The following TEX38 variants were observed in gnomAD, a reference collection of about 807,000 sequenced individuals.
TEX38 encodes the protein testis-expressed protein 38.
A neutral mutation model predicts 2.7 loss-of-function variants in TEX38; 5 were observed. The ratio of observed to expected loss-of-function variants is 1.86; its 90% CI spans 0.97 to 3.90. The LOEUF is 3.90. Among genes scored for constraint, TEX38 ranks in the 30% most tolerant of loss-of-function variants. The pLI is 0.00. For missense variants in TEX38, 218 were observed against 247.9 expected (o/e 0.88, Z 0.81); for synonymous variants, 110 against 103.3 (o/e 1.06, Z -0.39).
upstream of TEX38, among the ~76,000 whole-genome samples, chr1:46,671,252 C>T (rs979132355): frequency 2.6e-5 from 4 of 151,914 alleles, no homozygotes; most frequent in South Asian, 2.1e-4. Context: ...TTCAGGAGTA[C>T]GGACTAGGCA....
At chr1:46,669,567 T>TG (rs1676553525), upstream of TEX38, 1 of 445,730 alleles carries the variant, frequency 2.2e-6, no homozygotes, top group African/African-American at 2.0e-5. Flanking sequence ...TTTATAGCAG[T>TG]TATCATTATC....
At chr1:46,670,277 A>G (rs1676563987), upstream of TEX38, among the ~76,000 whole-genome samples, 1 of 152,152 alleles carries the variant, frequency 6.6e-6, no homozygotes, top group Admixed American at 6.5e-5. Context: ...TTGCTGATGG[A>G]GTCAGTGTGG....
At chr1:46,671,487 G>A (rs1383700109), upstream of TEX38, among the ~76,000 whole-genome samples, 1 of 152,210 alleles carries the variant, frequency 6.6e-6, no homozygotes, top group East Asian at 1.9e-4. Context: ...TACTTTTTGA[G>A]AACAGGGCTG....
chr1:46,669,218 T>C (rs1676549175), upstream of TEX38: 10 of 352,726 alleles, frequency 2.8e-5, no homozygotes, highest in South Asian at 2.1e-4. Flanking sequence ...ACAGTACTCA[T>C]CATCAGGTCC....
In TEX38 at chr1:46,671,950, G is replaced by A. The variant is rs900097052; in HGVS notation, c.16G>A (p.Glu6Lys). 6 of 1,547,004 alleles carry A rather than the reference G, an allele frequency of 3.9e-6. No individual in the cohort carries two copies. The highest frequency in any genetic ancestry group is 5.2e-6 in the Non-Finnish European group (6 of 1,144,258). The part of the protein sequence containing the change: MDSQQ[E>K]DLRFPGMWVS... ...GCTCAGCTGTATGGATTCCCAACAG[G>A]AGGACCTGCGCTTCCCTGGGAGTAA... is the stretch of plus-strand genomic sequence containing the variant. Residue 6 changes from glutamate (E) to lysine (K), a missense_variant, in exon 1 of 2, where the codon GAG (glutamate) becomes AAG (lysine). Glu to Lys is a moderately conservative substitution (Grantham distance 56). Coordinates refer to ENST00000334122, the MANE Select transcript of TEX38 (RefSeq NM_001145474.4).
upstream of TEX38, among the ~76,000 whole-genome samples, chr1:46,669,904 G>A (rs2148830662): frequency 6.6e-6 from 1 of 152,316 alleles, no homozygotes; most frequent in Non-Finnish European, 1.5e-5. Context: ...CCTTGGTTAA[G>A]GACTTTGATT....
chr1:46,671,117 G>A (rs1428078919), upstream of TEX38, among the ~76,000 whole-genome samples: 1 of 152,190 alleles, frequency 6.6e-6, no homozygotes, highest in Non-Finnish European at 1.5e-5. Flanking sequence ...CTGTCACAGA[G>A]TAGGGGGGCT....
chr1:46,673,130 C>A lies in TEX38; in HGVS notation c.295C>A (p.Pro99Thr). 1 of 1,551,748 alleles carries A rather than the reference C, an allele frequency of 6.4e-7. No homozygotes were observed. Among genetic ancestry groups the A allele is most frequent in the East Asian group, 2.4e-5 (1 of 40,916 alleles). ...CAAGACTGAGACTGAGGTCCAGAAT[C>A]CAGATGTTCTGTGGGATTTGGACAT... Reference protein sequence around the residue: ...VTKTETEVQNPDVLWDLDIPE... With the variant: ...VTKTETEVQNTDVLWDLDIPE... Residue 99 changes from proline to threonine, a missense_variant, in exon 2 of 2, where the codon CCA (proline) becomes ACA (threonine). Transcript: ENST00000334122.
At chr1:46,672,096 G>C (rs1316261229) in intron 1 of TEX38, 125 bp downstream of exon 1, 2 of 908,182 alleles carry the variant, frequency 2.2e-6, no homozygotes, top group East Asian at 5.4e-5. Flanking sequence ...AAGCAGTTAG[G>C]AGATAGTCTA....
At chr1:46,669,459 T>A (rs890380274), upstream of TEX38, 3 of 456,088 alleles carry the variant, frequency 6.6e-6, no homozygotes, top group Middle Eastern at 3.3e-4. Flanking sequence ...CTCCTCATCA[T>A]CTAAGGGCTC....
rs563308319 is a variant in TEX38 at position 46,673,022 on chromosome 1, A to G, written c.187A>G (p.Ser63Gly). ...GATGAGAGCTGCCACATTCACCTAC[A>G]GCCCATTGTTGTACTGGATTAACAA... is the stretch of plus-strand genomic sequence containing the variant. ...EVMRAATFTY[S>G]PLLYWINKRR... Residue 63 changes from serine to glycine, a missense_variant, in exon 2 of 2, where the codon AGC becomes GGC. Coordinates refer to ENST00000334122, the MANE Select transcript of TEX38 (RefSeq NM_001145474.4). 4 of 1,551,586 alleles carry G rather than the reference A, an allele frequency of 2.6e-6. No individual in the cohort carries two copies. Among genetic ancestry groups the G allele is most frequent in the Non-Finnish European group, 3.5e-6 (4 of 1,146,980 alleles).
rs1392661547 is a variant in TEX38, at chr1:46,673,396, C to T, written c.561C>T (p.Leu187=). 14 of 1,551,914 alleles carry T rather than the reference C, an allele frequency of 9.0e-6. No individual in the cohort carries two copies. The highest frequency in any genetic ancestry group is 2.0e-5 in the Admixed American group (1 of 50,988). ...CPERNVLFHS[L]LNLAQEDHSF... ...AAAGGAATGTTCTCTTCCATTCCCT[C>T]CTGAATCTGGCCCAGGAAGACCATA... is the stretch of plus-strand genomic sequence containing the variant. The change falls in exon 2 of 2, where the codon CTC becomes CTT. Residue 187 remains leucine, a synonymous_variant. Transcript: ENST00000334122.
chr1:46,673,404 T>C lies in TEX38; in HGVS notation c.569T>C (p.Leu190Pro), dbSNP rs1676630363. Residue 190 changes from leucine (L) to proline (P), a missense_variant, in exon 2 of 2, where the codon CTG (leucine) becomes CCG (proline). Physicochemically the swap from Leu to Pro is moderately conservative, Grantham distance 98. Transcript: ENST00000334122. ...RNVLFHSLLN[L>P]AQEDHSFNAK... ...GTTCTCTTCCATTCCCTCCTGAATC[T>C]GGCCCAGGAAGACCATAGCTTCAAT... is the stretch of plus-strand genomic sequence containing the variant. 6.4e-7 allele frequency: 1 copy of C among 1,552,010 alleles called. No homozygotes were observed. The highest frequency in any genetic ancestry group is 2.4e-5 in the East Asian group (1 of 40,930).
At chr1:46,669,920 T>A (rs1207779544), upstream of TEX38, among the ~76,000 whole-genome samples, 1 of 152,184 alleles carries the variant, frequency 6.6e-6, no homozygotes, top group Non-Finnish European at 1.5e-5. Flanking sequence ...TGATTTTAAA[T>A]CGAATGAGAT....
Position 46,673,480 on chromosome 1 carries a change from C to T in TEX38, c.*24C>T. 2 of 1,520,010 alleles carry T rather than the reference C, an allele frequency of 1.3e-6. No homozygotes were observed. The allele number at this position is 1,520,010 out of a possible 1,614,324, so 94.2% of individuals were successfully genotyped here. A position where few individuals can be genotyped will look rare whatever the true frequency, so the allele number is the denominator to read the frequency against. On this transcript the variant is annotated 3_prime_UTR_variant, in exon 2 of 2. Coordinates refer to ENST00000334122, the MANE Select transcript of TEX38 (RefSeq NM_001145474.4). Reference sequence around the variant, plus strand: ...AGCCTCCTCTCACTGAAGGTGGGAGCTGCAGGAATCAGGTGCAGAGTAGGA... The same window carrying T: ...AGCCTCCTCTCACTGAAGGTGGGAGTTGCAGGAATCAGGTGCAGAGTAGGA...
chr1:46,672,024 C>T, intron 1 of TEX38, 53 bp downstream of exon 1: 1 of 1,475,074 alleles, frequency 6.8e-7, no homozygotes, highest in Non-Finnish European at 9.0e-7. Context: ...GGCTTGGGGA[C>T]AAACACTCAG....
chr1:46,672,750 G>C (rs1344764545), intron 1 of TEX38, 123 bp from the exon 2 acceptor site: 3 of 847,860 alleles, frequency 3.5e-6, no homozygotes, highest in African/African-American at 3.4e-5. Flanking sequence ...AAGGAACGGT[G>C]AGAGTAGTTA....
intron 1 of TEX38, among the ~76,000 whole-genome samples, chr1:46,672,187 A>G (rs1676593906): frequency 6.6e-6 from 1 of 152,136 alleles, no homozygotes; most frequent in African/African-American, 2.4e-5. Flanking sequence ...GCCCAGGACT[A>G]TCACAGCTGA....
At chr1:46,672,624 G>A (rs866650364) in intron 1 of TEX38, among the ~76,000 whole-genome samples, 3 of 152,198 alleles carry the variant, frequency 2.0e-5, no homozygotes, top group Non-Finnish European at 2.9e-5. Flanking sequence ...GGCAGCACAT[G>A]CCCCCGCTAG....
Sources: allele counts gnomAD v4.1 joint callset (sites outside exome capture counted in the v4.1 genomes callset), GRCh38; gene constraint gnomAD v4.1.1; transcripts MANE v1.5; gene names NCBI Gene and HGNC (gene_info 2026-07-23, HGNC 2026-07-21).